SLC44A5: variants seen among roughly 807,000 people sequenced by gnomAD.
SLC44A5 encodes the protein choline transporter-like protein 5.
SLC44A5 carries 57 observed loss-of-function variants against 101.8 expected under a neutral mutation model. The ratio of observed to expected loss-of-function variants is 0.56; its 90% CI spans 0.45 to 0.70. SLC44A5 has a LOEUF of 0.70. SLC44A5 is among the 30% of genes least tolerant of loss of function. SLC44A5 has a pLI of 0.00. For missense variants in SLC44A5, 737 were observed against 853.1 expected (o/e 0.86, Z 1.70); for synonymous variants, 281 against 290.9 (o/e 0.97, Z 0.35).
At chr1:75,306,733 C>CTTTTTTTTTTTTTTT (rs771955227) in intron 4 of SLC44A5, among the ~76,000 whole-genome samples, 19 of 102,598 alleles carry the variant, frequency 1.9e-4, no homozygotes, top group African/African-American at 6.4e-4. Flanking sequence ...GGTTTCCTTT[C>CTTTTTTTTTTTTTTT]TTTTTTTTTT....
chr1:75,592,650 T>A (rs1475760801), intron 1 of SLC44A5, among the ~76,000 whole-genome samples: 1 of 151,958 alleles, frequency 6.6e-6, no homozygotes, highest in Non-Finnish European at 1.5e-5. Flanking sequence ...AGCAGACACA[T>A]AGAGTAACGG....
chr1:75,482,092 A>G (rs576231501), intron 2 of SLC44A5, among the ~76,000 whole-genome samples: 2 of 152,268 alleles, frequency 1.3e-5, no homozygotes, highest in African/African-American at 4.8e-5. Context: ...ATGCAGCCAT[A>G]AAAAATGATG....
intron 2 of SLC44A5, among the ~76,000 whole-genome samples, chr1:75,478,136 C>T (rs961200635): frequency 6.6e-6 from 1 of 152,176 alleles, no homozygotes; most frequent in Non-Finnish European, 1.5e-5. Context: ...CCCAGAATTT[C>T]ATATCCAGCC....
intron 19 of SLC44A5, among the ~76,000 whole-genome samples, chr1:75,215,508 G>A (rs928670653): frequency 2.0e-5 from 3 of 151,952 alleles, no homozygotes; most frequent in African/African-American, 4.8e-5. Context: ...ACACTTATAA[G>A]TTTCCAAAGT....
At chr1:75,525,628 G>C (rs1220699726) in intron 2 of SLC44A5, among the ~76,000 whole-genome samples, 1 of 152,128 alleles carries the variant, frequency 6.6e-6, no homozygotes, top group Non-Finnish European at 1.5e-5. Flanking sequence ...AAAAAAGAGA[G>C]AGAATGAGAG....
rs1208514360 is a variant in SLC44A5 at position 75,476,842 on chromosome 1, G to C, written c.13+64593C>G. Among the ~76,000 whole-genome samples the C allele has an allele frequency of 6.6e-5, 10 of 152,360 alleles. No homozygotes were observed. In the South Asian group the frequency reaches 1.0e-3, roughly 16 times the overall value. ...GGGGCAGGGCACAGACAAACAAAAAGACAGCAGTAACCTCTGCAGACTTAA... is the reference window on the plus strand; with the variant it reads ...GGGGCAGGGCACAGACAAACAAAAACACAGCAGTAACCTCTGCAGACTTAA... On this transcript the variant is annotated intron_variant, in intron 2 of 23. Coordinates refer to ENST00000370859, the MANE Select transcript of SLC44A5 (RefSeq NM_001130058.2).
At chr1:75,616,238 C>G in the SLC44A5 span, among the ~76,000 whole-genome samples, 1 of 151,812 alleles carries the variant, frequency 6.6e-6, no homozygotes, top group Admixed American at 6.6e-5. Context: ...TCCACACCCT[C>G]CCTCCCCCAC....
At chr1:75,277,952 C>T (rs932918224) in intron 5 of SLC44A5, among the ~76,000 whole-genome samples, 4 of 152,114 alleles carry the variant, frequency 2.6e-5, no homozygotes, top group Non-Finnish European at 4.4e-5. Context: ...AGATGGGCAG[C>T]AGCCATCATT....
intron 9 of SLC44A5, among the ~76,000 whole-genome samples, chr1:75,240,621 T>G (rs1277552336): frequency 3.3e-5 from 5 of 152,088 alleles, no homozygotes; most frequent in Admixed American, 1.3e-4. Context: ...TGGTAAGTGC[T>G]GTTGCTGTGG....
chr1:75,319,235 C>A (rs1655951792), intron 4 of SLC44A5, among the ~76,000 whole-genome samples: 1 of 152,092 alleles, frequency 6.6e-6, no homozygotes, highest in Non-Finnish European at 1.5e-5. Flanking sequence ...TTTCCCTACC[C>A]CCAATCCCTG....
At chr1:75,404,534 G>A (rs182434753) in intron 2 of SLC44A5, among the ~76,000 whole-genome samples, 78 of 152,268 alleles carry the variant, frequency 5.1e-4, no homozygotes, top group Non-Finnish European at 8.4e-4. Context: ...GAGAGTGGGA[G>A]CAAATATTCA....
the SLC44A5 span, among the ~76,000 whole-genome samples, chr1:75,680,429 A>C: frequency 6.6e-6 from 1 of 152,160 alleles, no homozygotes; most frequent in African/African-American, 2.4e-5. Context: ...CCACAGTGCA[A>C]TCAAACTACA....
At chr1:75,206,714 C>A (rs1354412105) in intron 23 of SLC44A5, 1 of 1,587,482 alleles carries the variant, frequency 6.3e-7, no homozygotes, top group Non-Finnish European at 8.6e-7. Context: ...CTTTCCAGAT[C>A]TTCACCTGTA....
chr1:75,708,093 T>C, the SLC44A5 span, among the ~76,000 whole-genome samples: 4 of 152,206 alleles, frequency 2.6e-5, no homozygotes, highest in South Asian at 8.3e-4. Flanking sequence ...AAAATATTTC[T>C]AGAGATTATA....
chr1:75,624,466 A>C, the SLC44A5 span, among the ~76,000 whole-genome samples: 1 of 152,142 alleles, frequency 6.6e-6, no homozygotes, highest in East Asian at 1.9e-4. Flanking sequence ...TCAGAGTGCT[A>C]AGGCTTTATT....
At chr1:75,654,704 T>A in the SLC44A5 span, among the ~76,000 whole-genome samples, 2 of 152,144 alleles carry the variant, frequency 1.3e-5, no homozygotes, top group Non-Finnish European at 2.9e-5. Flanking sequence ...CAGAAAGAGA[T>A]GACTTCCATA....
intron 2 of SLC44A5, among the ~76,000 whole-genome samples, chr1:75,520,647 TAAG>T (rs1670066949): frequency 6.6e-6 from 1 of 152,092 alleles, no homozygotes; most frequent in Non-Finnish European, 1.5e-5. Flanking sequence ...TGATAAACTA[TAAG>T]AAGTCAGTTT....
intron 3 of SLC44A5, among the ~76,000 whole-genome samples, chr1:75,349,355 A>G (rs1658477225): frequency 6.6e-6 from 1 of 152,202 alleles, no homozygotes; most frequent in South Asian, 2.1e-4. Flanking sequence ...AAACAAAAAA[A>G]AAGTAGTTGT....
At chr1:75,321,757 T>C (rs1656167341) in intron 4 of SLC44A5, among the ~76,000 whole-genome samples, 1 of 152,226 alleles carries the variant, frequency 6.6e-6, no homozygotes, top group Non-Finnish European at 1.5e-5. Flanking sequence ...TTTATATAAA[T>C]GATAATTTAG....
Sources: gnomAD v4.1 joint callset for allele counts (sites outside exome capture counted in the v4.1 genomes callset) on GRCh38, gnomAD v4.1.1 for gene constraint, MANE v1.5 for transcripts, NCBI Gene and HGNC (gene_info 2026-07-23, HGNC 2026-07-21) for gene names.